PTH1R: variants seen among roughly 807,000 people sequenced by gnomAD.
PTH1R encodes the protein parathyroid hormone 1 receptor.
A neutral mutation model predicts 70.7 loss-of-function variants in PTH1R; 32 were observed. The ratio of observed to expected loss-of-function variants is 0.45; its 90% CI spans 0.34 to 0.61. PTH1R has a LOEUF of 0.61. PTH1R is among the 20% of genes least tolerant of loss of function. PTH1R has a pLI of 0.01. For synonymous variants in PTH1R, 329 were observed against 324.8 expected (o/e 1.01, Z -0.14); for missense variants, 626 against 792.5 (o/e 0.79, Z 2.52).
At position 46,903,395 on chromosome 3, in the gene PTH1R, TGTC is replaced by T. The variant is rs2032247717; in HGVS notation, c.1523_1525del (p.Val508del). The T allele has an allele frequency of 1.2e-6, 2 of 1,613,512 alleles. No homozygotes were observed. Among genetic ancestry groups the T allele is most frequent in the African/African-American group, 1.3e-5 (1 of 75,066 alleles). Reference sequence around the variant, plus strand: ...TGGTGTCCCACACAAGTGTGACCAATGTCGGCCCCCGTGTGGGACTCGGCCTGC... The same window carrying T: ...TGGTGTCCCACACAAGTGTGACCAATGGCCCCCGTGTGGGACTCGGCCTGC... On this transcript the variant is annotated inframe_deletion, in exon 16 of 16. Transcript: ENST00000449590. This position sits in a 1 kb window ranked among gnomAD's most constrained non-coding sequence, Gnocchi z 4.4.
In PTH1R at chr3:46,903,778, AAAAAAG is replaced by A. The variant is rs1553643900; in HGVS notation, c.*129_*134del. On this transcript the variant is annotated 3_prime_UTR_variant, in exon 16 of 16. Coordinates refer to ENST00000449590, the MANE Select transcript of PTH1R (RefSeq NM_000316.3). This position sits in a 1 kb window ranked among gnomAD's most constrained non-coding sequence, Gnocchi z 4.4. ...AGGAAAAACAGGGAAAAAAAGAAAA[AAAAAAG>A]AAAAAGGAAAAGGAAGCGGTGTGTG... The A allele has an allele frequency of 6.7e-6, 10 of 1,501,568 alleles. No individual in the cohort carries two copies. In the South Asian group the frequency reaches 1.1e-4, roughly 17 times the overall value. 93.0% of individuals were successfully genotyped at this position (1,501,568 alleles called of 1,614,324 possible).
intron 2 of PTH1R, 73 bp downstream of exon 2, chr3:46,881,191 C>G: frequency 6.6e-6 from 1 of 152,332 alleles, no homozygotes; most frequent in South Asian, 2.1e-4. Context: ...GCTTCCTCCG[C>G]GATCCTTAAA....
In PTH1R at chr3:46,895,834, AG is replaced by A; in HGVS notation, c.280del (p.Asp94ThrfsTer96). On this transcript the variant is annotated frameshift_variant, in exon 5 of 16. Coordinates refer to ENST00000449590, the MANE Select transcript of PTH1R (RefSeq NM_000316.3). LOFTEE classifies it high-confidence loss of function. ...GGGAAGCTCTACCCTGAGTCTGAGG[AG>A]GACAAGGAGGCACCCACTGGCAGCA... ...ASGKLYPESEEDKEAPTGSRY... is the reference protein window; with the variant it reads ...ASGKLYPESEXDKEAPTGSRY... 6.2e-7 allele frequency: 1 copy of A among 1,613,870 alleles called. No individual in the cohort carries two copies. Among genetic ancestry groups the A allele is most frequent in the Non-Finnish European group, 8.5e-7 (1 of 1,180,016 alleles).
In PTH1R at chr3:46,897,947, T is replaced by A; in HGVS notation, c.406T>A (p.Tyr136Asn). ...VVAVPCPDYI[Y>N]DFNHKGHAYR... is the part of the protein sequence containing the mutation. ...GGCTGTGCCCTGTCCGGACTACATTTATGACTTCAATCACAAAGGTGAGGC... is the reference window on the plus strand; with the variant it reads ...GGCTGTGCCCTGTCCGGACTACATTAATGACTTCAATCACAAAGGTGAGGC... The change falls in exon 6 of 16, where the codon TAT becomes AAT. Residue 136 changes from tyrosine to asparagine, a missense_variant. By Grantham distance (143) the Tyr-to-Asn change is moderately radical. This residue lies in a region of PTH1R where 495 missense variants were observed against 638.7 expected (regional missense o/e 0.77). Coordinates refer to ENST00000449590, the MANE Select transcript of PTH1R (RefSeq NM_000316.3). The A allele has an allele frequency of 6.2e-7, 1 of 1,614,072 alleles. No homozygotes were observed. Among genetic ancestry groups the A allele is most frequent in the South Asian group, 1.1e-5 (1 of 91,080 alleles).
At position 46,883,192 on chromosome 3, in the gene PTH1R, A is replaced by AGGGGGGC. The variant is rs1001439740; in HGVS notation, c.-48-309_-48-303dup. 2.7e-5 allele frequency among the ~76,000 whole-genome samples: 4 copies of AGGGGGGC among 145,902 alleles called. No homozygotes were observed. Among genetic ancestry groups the AGGGGGGC allele is most frequent in the South Asian group, 2.2e-4 (1 of 4,534 alleles). On this transcript the variant is annotated intron_variant, in intron 2 of 15. Transcript: ENST00000449590. The surrounding 1 kb of genome is among the most constrained non-coding windows in gnomAD (Gnocchi z 6.4). ...AGAAAGAAAGAAAAGGCGGCGCGGGAGGGGGGCGGGGGGCGGGCCGGGGGC... is the reference window on the plus strand; with the variant it reads ...AGAAAGAAAGAAAAGGCGGCGCGGGAGGGGGGCGGGGGGCGGGGGGCGGGCCGGGGGC...
Position 46,895,926 on chromosome 3 carries a change from T to C in PTH1R, c.313+57T>C. The C allele has an allele frequency of 3.2e-6, 5 of 1,582,052 alleles. No individual in the cohort carries two copies. The South Asian group carries it at 5.6e-5, about 18-fold the overall frequency. ...ATGGGCTTGGATCCACCCACCCCCA[T>C]TGCACTGTCCCTCTGATGTGAGCTC... is the stretch of plus-strand genomic sequence containing the variant. On this transcript the variant is annotated intron_variant, in intron 5 of 15. Transcript: ENST00000449590.
In PTH1R at chr3:46,896,441, G is replaced by A. The variant is rs1057473663; in HGVS notation, c.313+572G>A. On this transcript the variant is annotated intron_variant, in intron 5 of 15. Transcript: ENST00000449590. The surrounding 1 kb of genome is among the most constrained non-coding windows in gnomAD (Gnocchi z 4.1). ...CAAGGAGGGGAGAAGAGAAGGGAGG[G>A]AAGCAGATGAGGAAAGGCAGACAGA... Among the ~76,000 whole-genome samples, 3 of 151,014 alleles carry A rather than the reference G, an allele frequency of 2.0e-5. No individual in the cohort carries two copies. Among genetic ancestry groups the A allele is most frequent in the Admixed American group, 1.3e-4 (2 of 15,226 alleles).
intron 9 of PTH1R, 22 bp downstream of exon 9, chr3:46,898,879 C>T (rs1309453259): frequency 2.0e-6 from 3 of 1,483,944 alleles, no homozygotes; most frequent in Non-Finnish European, 2.7e-6. Context: ...TCTGCCCGCC[C>T]GCTCCCGGTG....
At position 46,902,322 on chromosome 3, in the gene PTH1R, G is replaced by A. The variant is rs900622627; in HGVS notation, c.1212-204G>A. On this transcript the variant is annotated intron_variant, in intron 13 of 15. Transcript: ENST00000449590. This position sits in a 1 kb window ranked among gnomAD's most constrained non-coding sequence, Gnocchi z 5.4. ...GGGACTGTCATTTGAAGTCCGCTCC[G>A]GGACACCGCTGAGAACCAACGGGCC... 3.3e-5 allele frequency among the ~76,000 whole-genome samples: 5 copies of A among 152,142 alleles called. No individual in the cohort carries two copies. The highest frequency in any genetic ancestry group is 7.4e-5 in the Non-Finnish European group (5 of 68,020).
In PTH1R at chr3:46,892,714, CGCCCTTCACAGCCATGCTCGGACTGCAGG is replaced by C. The variant is rs2031499450; in HGVS notation, c.76-1188_76-1160del. On this transcript the variant is annotated intron_variant, in intron 3 of 15. Coordinates refer to ENST00000449590, the MANE Select transcript of PTH1R (RefSeq NM_000316.3). This position sits in a 1 kb window ranked among gnomAD's most constrained non-coding sequence, Gnocchi z 5.2. ...CTCCCCTGCCTCCTCTGGGTCCTCC[CGCCCTTCACAGCCATGCTCGGACTGCAGG>C]GCCCCGGCCCCGCCTTGGCGCGTCT... The C allele has an allele frequency of 2.0e-6, 2 of 985,906 alleles. No individual in the cohort carries two copies. Among genetic ancestry groups the C allele is most frequent in the South Asian group, 9.4e-5 (2 of 21,316 alleles). The allele number at this position is 985,906 out of a possible 1,614,324, so 61.1% of individuals were successfully genotyped here.
rs773233132 is a variant in PTH1R at position 46,892,635 on chromosome 3, C to A, written c.76-1272C>A. 33 of 640,770 alleles carry A rather than the reference C, an allele frequency of 5.2e-5. No individual in the cohort carries two copies. In the Admixed American group the frequency reaches 5.7e-4, roughly 11 times the overall value. 39.7% of individuals were successfully genotyped at this position (640,770 alleles called of 1,614,324 possible). On this transcript the variant is annotated intron_variant, in intron 3 of 15. Coordinates refer to ENST00000449590, the MANE Select transcript of PTH1R (RefSeq NM_000316.3). The surrounding 1 kb of genome is among the most constrained non-coding windows in gnomAD (Gnocchi z 5.2). ...CTCCCTGCAGCCAGGCTCTCTGACC[C>A]GGCCTGCCCGCCCCTCTCGCCGGTG...
chr3:46,901,672 G>T lies in PTH1R; in HGVS notation c.1117-94G>T, dbSNP rs766748453. On this transcript the variant is annotated intron_variant, in intron 12 of 15. Coordinates refer to ENST00000449590, the MANE Select transcript of PTH1R (RefSeq NM_000316.3). The surrounding 1 kb of genome is among the most constrained non-coding windows in gnomAD (Gnocchi z 7.3). ...AGGGCTCAAGGAGCCACCCAGAGAT[G>T]CAGTGACAGAGCAGAGCCTATGGCC... The T allele has an allele frequency of 5.4e-5, 78 of 1,433,804 alleles. No individual in the cohort carries two copies. Among genetic ancestry groups the T allele is most frequent in the Non-Finnish European group, 7.1e-5 (72 of 1,019,290 alleles). The allele number at this position is 1,433,804 out of a possible 1,614,324, so 88.8% of individuals were successfully genotyped here.
chr3:46,892,538 C>G lies in PTH1R; in HGVS notation c.76-1369C>G, dbSNP rs536316425. 3.4e-4 allele frequency among the ~76,000 whole-genome samples: 52 copies of G among 152,358 alleles called. No individual in the cohort carries two copies. In the East Asian group the frequency reaches 9.5e-3, roughly 28 times the overall value. On this transcript the variant is annotated intron_variant, in intron 3 of 15. Coordinates refer to ENST00000449590, the MANE Select transcript of PTH1R (RefSeq NM_000316.3). The surrounding 1 kb of genome is among the most constrained non-coding windows in gnomAD (Gnocchi z 5.2). ...TGGAACCAGCAGAACCCAAGGCCGG[C>G]CGAGCCAATTGGAGACTCCTTGGCC...
At position 46,898,207 on chromosome 3, in the gene PTH1R, C is replaced by T. The variant is rs201799675; in HGVS notation, c.543+15C>T. The T allele has an allele frequency of 4.0e-5, 64 of 1,611,900 alleles. No homozygotes were observed. The highest frequency in any genetic ancestry group is 3.7e-4 in the South Asian group (34 of 91,038). ...CTCGTGAACGGGTGCGAGCCTTTCT[C>T]CTCCCCAACCTGACCAGGATAAATT... is the stretch of plus-strand genomic sequence containing the variant. On this transcript the variant is annotated intron_variant, in intron 7 of 15. Transcript: ENST00000449590.
chr3:46,878,951 C>G (rs971749731), intron 1 of PTH1R, among the ~76,000 whole-genome samples: 1 of 152,250 alleles, frequency 6.6e-6, no homozygotes, highest in African/African-American at 2.4e-5. Flanking sequence ...CTAACACTGA[C>G]CTGACACTAA....
Position 46,901,818 on chromosome 3 carries a change from G to A in PTH1R, c.1169G>A (p.Arg390Gln), listed in dbSNP as rs749905840. ...GTCCGGGTGCTCGCCACCAAGCTGC[G>A]GGAGACCAACGCCGGCCGGTGTGAC... ...NIVRVLATKL[R>Q]ETNAGRCDTR... The change falls in exon 13 of 16, where the codon CGG becomes CAG. Residue 390 changes from arginine (R) to glutamine (Q), a missense_variant. Coordinates refer to ENST00000449590, the MANE Select transcript of PTH1R (RefSeq NM_000316.3). This position sits in a 1 kb window ranked among gnomAD's most constrained non-coding sequence, Gnocchi z 7.3. 9.9e-6 allele frequency: 16 copies of A among 1,613,930 alleles called. No homozygotes were observed. Among genetic ancestry groups the A allele is most frequent in the African/African-American group, 4.0e-5 (3 of 74,912 alleles).
chr3:46,898,526 C>T (rs972705305), intron 8 of PTH1R, 54 bp downstream of exon 8: 65 of 1,605,090 alleles, frequency 4.0e-5, no homozygotes, highest in Non-Finnish European at 5.3e-5. Context: ...GGGCGGTGGC[C>T]GAGGTCTGAT....
intron 4 of PTH1R, 140 bp from the exon 5 acceptor site, chr3:46,895,593 CAG>C: frequency 7.8e-7 from 1 of 1,285,384 alleles, no homozygotes; most frequent in Non-Finnish European, 1.1e-6. Context: ...CCCATCGTCT[CAG>C]ATCTCCCAAC....
At position 46,898,511 on chromosome 3, in the gene PTH1R, AG is replaced by A. The variant is rs377622047; in HGVS notation, c.638+46del. 10 of 1,477,332 alleles carry A rather than the reference AG, an allele frequency of 6.8e-6. No individual in the cohort carries two copies. The South Asian group carries it at 6.8e-5, about 10-fold the overall frequency. The allele number at this position is 1,477,332 out of a possible 1,614,324, so 91.5% of individuals were successfully genotyped here. ...GGCGAGAGGCGGCGGGACATGGTGGAGGGGGGGCGGTGGCCGAGGTCTGATG... is the reference window on the plus strand; with the variant it reads ...GGCGAGAGGCGGCGGGACATGGTGGAGGGGGGCGGTGGCCGAGGTCTGATG... On this transcript the variant is annotated intron_variant, in intron 8 of 15. Coordinates refer to ENST00000449590, the MANE Select transcript of PTH1R (RefSeq NM_000316.3).
Sources: allele counts gnomAD v4.1 joint callset (sites outside exome capture counted in the v4.1 genomes callset), GRCh38; gene constraint gnomAD v4.1.1; regional missense constraint gnomAD v4.1.1; non-coding constraint Gnocchi (gnomAD v3.1); transcripts MANE v1.5; gene names NCBI Gene and HGNC (gene_info 2026-07-23, HGNC 2026-07-21).